Variants in GARRE1 observed in about 807,000 individuals in gnomAD.
The protein encoded by GARRE1 is granule associated Rac and RHOG effector protein 1.
A neutral mutation model predicts 103.2 loss-of-function variants in GARRE1; 49 were observed. That is an observed-to-expected ratio of 0.47 (90% CI 0.38 to 0.60). The LOEUF is 0.60. Ranked by LOEUF, GARRE1 falls within the 20% of genes least tolerant of loss-of-function variation. GARRE1 has a pLI of 0.00. For synonymous variants in GARRE1, 505 were observed against 532.8 expected (o/e 0.95, Z 0.72); for missense variants, 1,199 against 1,370.5 (o/e 0.87, Z 1.98).
intron 1 of GARRE1, among the ~76,000 whole-genome samples, chr19:34,289,511 G>A (rs2073905369): frequency 2.0e-5 from 3 of 152,048 alleles, no homozygotes; most frequent in Middle Eastern, 3.4e-3. Flanking sequence ...CGGATCACAA[G>A]GTCAGAAGAT....
chr19:34,268,865 T>C (rs952271222), intron 1 of GARRE1, among the ~76,000 whole-genome samples: 2 of 152,212 alleles, frequency 1.3e-5, no homozygotes, highest in East Asian at 1.9e-4. Context: ...TTTTTACTTA[T>C]TAACGTAGTG....
intron 1 of GARRE1, among the ~76,000 whole-genome samples, chr19:34,279,984 CAAA>C (rs34044474): frequency 1.6e-4 from 11 of 67,898 alleles, no homozygotes; most frequent in African/African-American, 3.5e-4. Context: ...GACTCCGTCT[CAAA>C]AAAAAAAAAA....
intron 1 of GARRE1, among the ~76,000 whole-genome samples, chr19:34,268,049 G>A (rs1599747184): frequency 6.6e-6 from 1 of 151,692 alleles, no homozygotes; most frequent in South Asian, 2.1e-4. Context: ...TGGGATTAGA[G>A]GCGTGAACCA....
chr19:34,341,430 C>A lies in GARRE1; in HGVS notation c.1496C>A (p.Ala499Asp). ...LNRWRAGREQ[A>D]LPCIQIQLQR... ...AATTTCTGTTTAAATAGGGAGCAAG[C>A]TTTACCCTGCATACAGATCCAGCTG... The change falls in exon 10 of 14, where the codon GCT becomes GAT. Residue 499 changes from alanine (A) to aspartate (D), a missense_variant. Transcript: ENST00000299505. 1.2e-6 allele frequency: 2 copies of A among 1,611,342 alleles called. No individual in the cohort carries two copies. Among genetic ancestry groups the A allele is most frequent in the Non-Finnish European group, 8.5e-7 (1 of 1,179,122 alleles).
intron 8 of GARRE1, among the ~76,000 whole-genome samples, chr19:34,335,726 A>C (rs1435455095): frequency 1.3e-5 from 2 of 152,170 alleles, no homozygotes; most frequent in Non-Finnish European, 2.9e-5. Context: ...GGGTTTTGCC[A>C]TGTTGGCCAG....
At chr19:34,267,720 G>T in intron 1 of GARRE1, among the ~76,000 whole-genome samples, 1 of 145,430 alleles carries the variant, frequency 6.9e-6, no homozygotes, top group Middle Eastern at 3.7e-3. Context: ...GTAGACTGTT[G>T]ATTTTTTTTT....
intron 1 of GARRE1, among the ~76,000 whole-genome samples, chr19:34,286,671 T>C (rs2073888818): frequency 6.6e-6 from 1 of 151,110 alleles, no homozygotes; most frequent in African/African-American, 2.4e-5. Context: ...CGGGCTAATG[T>C]TCTGTATTTT....
At chr19:34,352,325 C>G (rs1034496618) in intron 13 of GARRE1, among the ~76,000 whole-genome samples, 4 of 151,660 alleles carry the variant, frequency 2.6e-5, no homozygotes, top group Admixed American at 1.3e-4. Context: ...TCGCTTGAAC[C>G]CCGGAGGCAG....
chr19:34,323,932 A>G (rs536824537), intron 3 of GARRE1, among the ~76,000 whole-genome samples: 1 of 152,168 alleles, frequency 6.6e-6, no homozygotes, highest in African/African-American at 2.4e-5. Flanking sequence ...ACACTGAGCA[A>G]ATAGAATCTC....
At chr19:34,281,362 C>T (rs2073851955) in intron 1 of GARRE1, among the ~76,000 whole-genome samples, 1 of 152,216 alleles carries the variant, frequency 6.6e-6, no homozygotes, top group South Asian at 2.1e-4. Flanking sequence ...GTGATCTCAG[C>T]TCACTGCAAC....
At chr19:34,304,458 C>T (rs554164875) in intron 2 of GARRE1, among the ~76,000 whole-genome samples, 1 of 151,454 alleles carries the variant, frequency 6.6e-6, no homozygotes, top group African/African-American at 2.4e-5. Flanking sequence ...TCACAGCAGC[C>T]TCTGTCTCCT....
At chr19:34,342,500 C>G (rs751712897) in intron 10 of GARRE1, 45 bp downstream of exon 10, 1 of 1,538,624 alleles carries the variant, frequency 6.5e-7, no homozygotes. Flanking sequence ...ACAGCAAATG[C>G]AACTGCCGAG....
chr19:34,271,486 C>T (rs892557627), intron 1 of GARRE1, among the ~76,000 whole-genome samples: 2 of 151,944 alleles, frequency 1.3e-5, no homozygotes, highest in Non-Finnish European at 2.9e-5. Flanking sequence ...CTGACCTCGT[C>T]ATCCACCCGC....
chr19:34,286,925 C>G (rs1354051450), intron 1 of GARRE1, among the ~76,000 whole-genome samples: 2 of 151,990 alleles, frequency 1.3e-5, no homozygotes, highest in African/African-American at 4.8e-5. Flanking sequence ...CAGTTTGGCT[C>G]TCAAATTATA....
chr19:34,307,328 G>A (rs2074011601), intron 2 of GARRE1, among the ~76,000 whole-genome samples: 1 of 152,064 alleles, frequency 6.6e-6, no homozygotes, highest in Non-Finnish European at 1.5e-5. Flanking sequence ...CAGGGCTCTG[G>A]TTTTACGTTG....
chr19:34,269,235 G>A (rs1051380228), intron 1 of GARRE1, among the ~76,000 whole-genome samples: 2 of 152,168 alleles, frequency 1.3e-5, no homozygotes, highest in African/African-American at 2.4e-5. Flanking sequence ...TACCAGAGGC[G>A]GTCATGGATC....
chr19:34,304,696 T>A (rs958578157), intron 2 of GARRE1, among the ~76,000 whole-genome samples: 3 of 151,984 alleles, frequency 2.0e-5, no homozygotes, highest in Middle Eastern at 3.4e-3. Flanking sequence ...AATTTCTAAT[T>A]GTTTCTATGA....
At chr19:34,337,939 TG>T (rs2074168492) in intron 8 of GARRE1, among the ~76,000 whole-genome samples, 1 of 152,156 alleles carries the variant, frequency 6.6e-6, no homozygotes. Flanking sequence ...TGGAGAGAAT[TG>T]GGTGCACTGA....
At chr19:34,308,863 G>A (rs1407561835) in intron 2 of GARRE1, among the ~76,000 whole-genome samples, 2 of 152,100 alleles carry the variant, frequency 1.3e-5, no homozygotes, top group East Asian at 1.9e-4. Flanking sequence ...TGATCAATTC[G>A]GTGACTCAAC....
Sources: gnomAD v4.1 joint callset for allele counts (sites outside exome capture counted in the v4.1 genomes callset) on GRCh38, gnomAD v4.1.1 for gene constraint, MANE v1.5 for transcripts, NCBI Gene and HGNC (gene_info 2026-07-23, HGNC 2026-07-21) for gene names.